The following DGKB variants were observed in gnomAD, a reference collection of about 807,000 sequenced individuals.
The protein encoded by DGKB is diacylglycerol kinase beta, also known as 90 kDa diacylglycerol kinase.
DGKB carries 67 observed loss-of-function variants against 114.3 expected under a neutral mutation model. The ratio of observed to expected loss-of-function variants is 0.59; its 90% confidence interval spans 0.48 to 0.72. DGKB has a LOEUF of 0.72. Ranked by LOEUF, DGKB falls within the 30% of genes least tolerant of loss-of-function variation. DGKB has a pLI of 0.00. For missense variants in DGKB, 907 were observed against 975.2 expected (o/e 0.93, Z 0.93); for synonymous variants, 398 against 323.1 (o/e 1.23, Z -2.49).
At chr7:14,286,295 T>C (rs1364602540) in intron 23 of DGKB, among the ~76,000 whole-genome samples, 1 of 152,150 alleles carries the variant, frequency 6.6e-6, no homozygotes, top group East Asian at 1.9e-4. Context: ...CATAATACTT[T>C]GGAAGGGCAG....
intron 21 of DGKB, among the ~76,000 whole-genome samples, chr7:14,429,181 A>G (rs1387968862): frequency 6.6e-6 from 1 of 152,070 alleles, no homozygotes; most frequent in East Asian, 1.9e-4. Context: ...AGTCCCCCCA[A>G]AATGTTAAAA....
intron 23 of DGKB, among the ~76,000 whole-genome samples, chr7:14,236,868 TTTAACA>T (rs1792870490): frequency 6.6e-6 from 1 of 151,844 alleles, no homozygotes; most frequent in African/African-American, 2.4e-5. Flanking sequence ...ATTTTCAGAA[TTTAACA>T]TTAAGCACTT....
chr7:14,320,728 T>C (rs924108845), intron 23 of DGKB, among the ~76,000 whole-genome samples: 4 of 152,074 alleles, frequency 2.6e-5, no homozygotes, highest in African/African-American at 9.7e-5. Flanking sequence ...GACACAAAGC[T>C]ATAAGCCTCT....
chr7:14,777,095 C>T (rs966458236), intron 2 of DGKB, among the ~76,000 whole-genome samples: 11 of 152,134 alleles, frequency 7.2e-5, no homozygotes, highest in South Asian at 4.1e-4. Context: ...CAAACTTGCA[C>T]GGGCCCTGTA....
chr7:14,937,791 C>T (rs1785353778), intron 1 of DGKB, among the ~76,000 whole-genome samples: 1 of 152,144 alleles, frequency 6.6e-6, no homozygotes, highest in African/African-American at 2.4e-5. Context: ...TCCTCTTCCT[C>T]TTCAGCCTAC....
chr7:14,716,407 C>A (rs927063515), intron 6 of DGKB, among the ~76,000 whole-genome samples: 1 of 152,120 alleles, frequency 6.6e-6, no homozygotes, highest in Non-Finnish European at 1.5e-5. Flanking sequence ...GAAGTATGAG[C>A]CAAATTCAAC....
chr7:14,757,555 T>TACACAC (rs74352324), intron 3 of DGKB, 100 bp downstream of exon 3: 2 of 634,282 alleles, frequency 3.2e-6, no homozygotes, highest in African/African-American at 3.8e-5. Context: ...TACATATACA[T>TACACAC]ACACACACAC....
intron 5 of DGKB, among the ~76,000 whole-genome samples, chr7:14,724,459 CTG>C (rs1234576696): frequency 4.6e-5 from 7 of 152,156 alleles, no homozygotes; most frequent in Non-Finnish European, 1.0e-4. Context: ...AGAAGACAGA[CTG>C]TGAGATACAG....
chr7:14,312,326 T>C (rs1377455817), intron 23 of DGKB, among the ~76,000 whole-genome samples: 1 of 152,220 alleles, frequency 6.6e-6, no homozygotes, highest in Non-Finnish European at 1.5e-5. Context: ...AAGAGATTAA[T>C]GAGGTCAAAA....
intron 4 of DGKB, among the ~76,000 whole-genome samples, chr7:14,744,884 C>A (rs1022686301): frequency 6.6e-6 from 1 of 152,084 alleles, no homozygotes; most frequent in African/African-American, 2.4e-5. Context: ...TCCTGTGAAC[C>A]AACCAGCAAT....
rs549567388 is a variant in DGKB at position 14,932,592 on chromosome 7, A to G, written c.-188+42104T>C. On this transcript the variant is annotated intron_variant, in intron 1 of 4. Transcript: ENST00000437998. The stretch of plus-strand genomic sequence containing the variant: ...CCACCCCTATGGGCAAAATATCTCA[A>G]TGCTTTCCATATCAGGTAAGGCACA... Among the ~76,000 whole-genome samples, 10 of 152,304 alleles carry G rather than the reference A, an allele frequency of 6.6e-5. No homozygotes were observed. In the East Asian group the frequency reaches 1.9e-3, roughly 29 times the overall value.
At chr7:14,689,209 T>TTTTTTTTTTTTTTTTG (rs1822332651) in intron 9 of DGKB, among the ~76,000 whole-genome samples, 2 of 123,786 alleles carry the variant, frequency 1.6e-5, no homozygotes, top group Non-Finnish European at 3.5e-5. Flanking sequence ...ATTTTTTTTT[T>TTTTTTTTTTTTTTTTG]TTTTTTTTTT....
chr7:14,190,556 T>G (rs374988663), intron 23 of DGKB, among the ~76,000 whole-genome samples: 231 of 151,664 alleles, frequency 1.5e-3, no homozygotes, highest in African/African-American at 5.0e-3. Flanking sequence ...AGAGCAGAAA[T>G]AAACAAAATT....
chr7:14,671,852 T>C (rs560630567), intron 13 of DGKB, among the ~76,000 whole-genome samples: 1 of 152,148 alleles, frequency 6.6e-6, no homozygotes, highest in South Asian at 2.1e-4. Context: ...ACATTTAAAT[T>C]AACCTAAAAT....
intron 12 of DGKB, among the ~76,000 whole-genome samples, chr7:14,674,763 A>G (rs1469893159): frequency 1.3e-5 from 2 of 152,136 alleles, no homozygotes; most frequent in Non-Finnish European, 2.9e-5. Context: ...GTGATGCACT[A>G]CAAGACAAAG....
intron 2 of DGKB, among the ~76,000 whole-genome samples, chr7:14,768,109 T>G (rs1409431905): frequency 2.0e-5 from 3 of 151,988 alleles, no homozygotes; most frequent in Non-Finnish European, 2.9e-5. Flanking sequence ...GAATATTATT[T>G]GCTCACATAC....
intron 14 of DGKB, among the ~76,000 whole-genome samples, chr7:14,626,838 C>A (rs1808687252): frequency 6.6e-6 from 1 of 152,002 alleles, no homozygotes; most frequent in African/African-American, 2.4e-5. Context: ...TTCTTTTAAA[C>A]TTAGTTAAGT....
intron 12 of DGKB, among the ~76,000 whole-genome samples, chr7:14,679,158 G>A (rs138093218): frequency 1.3e-4 from 19 of 147,378 alleles, no homozygotes; most frequent in Non-Finnish European, 1.5e-4. Context: ...GAGAAATGAC[G>A]TAAGTGTTCT....
intron 17 of DGKB, among the ~76,000 whole-genome samples, chr7:14,606,885 AT>A (rs887383939): frequency 2.0e-5 from 3 of 147,164 alleles, no homozygotes; most frequent in East Asian, 1.9e-4. Context: ...AAATCGTATG[AT>A]TTTTTTCATT....
Sources: allele counts gnomAD v4.1 joint callset (sites outside exome capture counted in the v4.1 genomes callset), GRCh38; gene constraint gnomAD v4.1.1; transcripts MANE v1.5; gene names NCBI Gene and HGNC (gene_info 2026-07-23, HGNC 2026-07-21).